Variants in TMEM200A observed in about 807,000 individuals in gnomAD.
TMEM200A encodes the protein two transmembrane C.
TMEM200A carries 12 observed loss-of-function variants against 24.3 expected under a neutral mutation model. The observed-to-expected ratio is 0.49, with a 90% CI of 0.32 to 0.80. The LOEUF is 0.80. TMEM200A is among the 30% of genes least tolerant of loss of function. TMEM200A has a pLI of 0.04. For synonymous variants in TMEM200A, 224 were observed against 224.4 expected (o/e 1.00, Z 0.02); for missense variants, 545 against 614.4 (o/e 0.89, Z 1.19).
intron 2 of TMEM200A, 124 bp from the exon 3 acceptor site, chr6:130,440,283 C>A: frequency 2.1e-6 from 2 of 930,352 alleles, no homozygotes; most frequent in South Asian, 3.8e-5. Flanking sequence ...TATTCTGCCC[C>A]ATTTAATCAC....
At chr6:130,420,205 T>C (rs1489720677) in intron 2 of TMEM200A, among the ~76,000 whole-genome samples, 1 of 152,222 alleles carries the variant, frequency 6.6e-6, no homozygotes. Flanking sequence ...CTCTCTTTTA[T>C]TTCTTTATAT....
intron 1 of TMEM200A, chr6:130,383,029 G>A (rs1343072655): frequency 2.0e-6 from 2 of 985,360 alleles, no homozygotes; most frequent in Middle Eastern, 5.2e-4. Flanking sequence ...CTTGAGGCCA[G>A]GCATGATGTT....
intron 2 of TMEM200A, among the ~76,000 whole-genome samples, chr6:130,435,930 A>G (rs1186049697): frequency 3.5e-4 from 54 of 152,328 alleles, no homozygotes; most frequent in Non-Finnish European, 2.9e-5. Flanking sequence ...ATACTCACCC[A>G]AGGTGAGGCC....
chr6:130,410,776 AT>A (rs1779311847), intron 2 of TMEM200A, among the ~76,000 whole-genome samples: 2 of 152,212 alleles, frequency 1.3e-5, no homozygotes, highest in African/African-American at 4.8e-5. Flanking sequence ...TCTTTATTTA[AT>A]TAAGAATAAG....
At chr6:130,410,115 A>C (rs1779298550) in intron 2 of TMEM200A, among the ~76,000 whole-genome samples, 1 of 152,190 alleles carries the variant, frequency 6.6e-6, no homozygotes, top group African/African-American at 2.4e-5. Flanking sequence ...TATGGAATTG[A>C]GCCTTAACTT....
chr6:130,373,684 A>T (rs750961380), intron 1 of TMEM200A, among the ~76,000 whole-genome samples: 1 of 152,244 alleles, frequency 6.6e-6, no homozygotes, highest in Admixed American at 6.5e-5. Flanking sequence ...AAGGGTTATA[A>T]ATGCATTTAT....
chr6:130,376,166 A>G (rs905088243), intron 1 of TMEM200A, among the ~76,000 whole-genome samples: 1 of 152,166 alleles, frequency 6.6e-6, no homozygotes. Context: ...GGAATTAACC[A>G]TGTGGAATAT....
At position 130,441,576 on chromosome 6, in the gene TMEM200A, A is replaced by G. The variant is rs1780184931; in HGVS notation, c.1154A>G (p.Asn385Ser). Residue 385 changes from asparagine (N) to serine (S), a missense_variant, in exon 3 of 3, where the codon AAT (asparagine) becomes AGT (serine). Transcript: ENST00000296978. ...PGAARRQFGS[N>S]TSLHLLSSHS... ...GCTGCCAGAAGACAGTTTGGGTCCA[A>G]TACATCCTTGCATTTGCTCTCGTCA... is the stretch of plus-strand genomic sequence containing the variant. 1.9e-6 allele frequency: 3 copies of G among 1,614,068 alleles called. No individual in the cohort carries two copies. The highest frequency in any genetic ancestry group is 1.1e-5 in the South Asian group (1 of 91,080).
chr6:130,399,542 T>G (rs924133959), intron 2 of TMEM200A, among the ~76,000 whole-genome samples: 1 of 150,884 alleles, frequency 6.6e-6, no homozygotes, highest in Non-Finnish European at 1.5e-5. Context: ...AGCTTTTAAT[T>G]TATTATTATA....
chr6:130,424,615 CTTTA>C (rs956043291), intron 2 of TMEM200A, among the ~76,000 whole-genome samples: 1 of 152,062 alleles, frequency 6.6e-6, no homozygotes, highest in Non-Finnish European at 1.5e-5. Context: ...CCTTAGTTAA[CTTTA>C]TTTAATTTCA....
chr6:130,386,316 A>C (rs1054957950), intron 2 of TMEM200A, among the ~76,000 whole-genome samples: 8 of 152,214 alleles, frequency 5.3e-5, no homozygotes, highest in African/African-American at 9.6e-5. Flanking sequence ...CTTTGCTAAA[A>C]GGGGTAGCCA....
intron 2 of TMEM200A, among the ~76,000 whole-genome samples, chr6:130,433,408 G>A (rs889320290): frequency 2.0e-5 from 3 of 152,122 alleles, no homozygotes; most frequent in Admixed American, 6.6e-5. Context: ...AAAGTTTTGG[G>A]ATTACAGGCA....
At chr6:130,414,007 A>C (rs2115166678) in intron 2 of TMEM200A, among the ~76,000 whole-genome samples, 1 of 152,304 alleles carries the variant, frequency 6.6e-6, no homozygotes, top group East Asian at 1.9e-4. Flanking sequence ...TTTATTTTTT[A>C]CTTGAAGGAG....
intron 2 of TMEM200A, among the ~76,000 whole-genome samples, chr6:130,408,483 G>T (rs1779256772): frequency 6.6e-6 from 1 of 152,166 alleles, no homozygotes; most frequent in African/African-American, 2.4e-5. Context: ...GGCATGTGTT[G>T]CATCTTAGAC....
At chr6:130,387,868 T>C (rs540920763) in intron 2 of TMEM200A, among the ~76,000 whole-genome samples, 2 of 152,320 alleles carry the variant, frequency 1.3e-5, no homozygotes, top group East Asian at 3.9e-4. Context: ...TCTTTTCTCT[T>C]AAAAAGCTTT....
intron 2 of TMEM200A, among the ~76,000 whole-genome samples, chr6:130,410,428 C>T (rs1779304703): frequency 6.6e-6 from 1 of 152,128 alleles, no homozygotes. Flanking sequence ...TAATTGTGGG[C>T]ATTTTCTAGA....
intron 2 of TMEM200A, among the ~76,000 whole-genome samples, chr6:130,423,975 A>G (rs943125181): frequency 1.3e-4 from 20 of 152,188 alleles, no homozygotes; most frequent in Non-Finnish European, 5.9e-5. Flanking sequence ...AACAGTTGCA[A>G]GTTATCAAAG....
At chr6:130,381,510 A>T (rs893344164) in intron 1 of TMEM200A, among the ~76,000 whole-genome samples, 1 of 152,218 alleles carries the variant, frequency 6.6e-6, no homozygotes, top group Admixed American at 6.5e-5. Flanking sequence ...GGACACATAC[A>T]TCAGTTGAGA....
chr6:130,368,367 A>G (rs1400879168), intron 1 of TMEM200A, among the ~76,000 whole-genome samples: 1 of 152,220 alleles, frequency 6.6e-6, no homozygotes, highest in African/African-American at 2.4e-5. Context: ...CAACTTTTAC[A>G]TTTCTTAAGC....
Sources: allele counts gnomAD v4.1 joint callset (sites outside exome capture counted in the v4.1 genomes callset), GRCh38; gene constraint gnomAD v4.1.1; transcripts MANE v1.5; gene names NCBI Gene and HGNC (gene_info 2026-07-23, HGNC 2026-07-21).